Variants in THSD7B observed in about 807,000 individuals in gnomAD.
The protein encoded by THSD7B is thrombospondin type 1 domain containing 7B, also known as thrombospondin type-1 domain-containing protein 7B.
THSD7B carries 138 observed loss-of-function variants against 213.6 expected under a neutral mutation model. That is an observed-to-expected ratio of 0.65 (90% CI 0.56 to 0.74). The LOEUF is 0.74. Ranked by LOEUF, THSD7B falls within the 30% of genes least tolerant of loss-of-function variation. THSD7B has a pLI of 0.00. For synonymous variants in THSD7B, 742 were observed against 687.0 expected, an observed-to-expected ratio of 1.08 and a Z score of -1.25; for missense variants, 1,931 against 1,991.5, an observed-to-expected ratio of 0.97 and a Z score of 0.58.
intron 15 of THSD7B, among the ~76,000 whole-genome samples, chr2:137,492,330 A>C (rs1679429030): frequency 6.6e-6 from 1 of 152,120 alleles, no homozygotes; most frequent in Non-Finnish European, 1.5e-5. Flanking sequence ...ACTCATTATC[A>C]ATTATATACA....
intron 5 of THSD7B, among the ~76,000 whole-genome samples, chr2:137,121,977 G>A (rs1402729730): frequency 6.6e-6 from 1 of 152,080 alleles, no homozygotes; most frequent in African/African-American, 2.4e-5. Context: ...CAAAATAGAA[G>A]GTATAAGGAT....
At chr2:137,082,904 A>G (rs1687773203) in intron 3 of THSD7B, among the ~76,000 whole-genome samples, 1 of 152,106 alleles carries the variant, frequency 6.6e-6, no homozygotes, top group African/African-American at 2.4e-5. Flanking sequence ...TTTTGATATA[A>G]CATCACACTC....
At chr2:136,940,742 A>ATATT (rs1553459492) in intron 2 of THSD7B, among the ~76,000 whole-genome samples, 25 of 144,362 alleles carry the variant, frequency 1.7e-4, no homozygotes, top group African/African-American at 5.3e-4. Context: ...ATATATATAT[A>ATATT]TTTTTTCTTA....
intron 2 of THSD7B, among the ~76,000 whole-genome samples, chr2:136,978,005 G>A (rs556755746): frequency 6.6e-6 from 1 of 151,890 alleles, no homozygotes; most frequent in Non-Finnish European, 1.5e-5. Flanking sequence ...CACAATGTTG[G>A]CCAGGCTGGT....
At position 137,546,716 on chromosome 2, in the gene THSD7B, A is replaced by G. The variant is rs1680748543; in HGVS notation, c.3139-16505A>G. Among the ~76,000 whole-genome samples, 3 of 150,590 alleles carry G rather than the reference A, an allele frequency of 2.0e-5. No individual in the cohort carries two copies. The South Asian group carries it at 6.3e-4, about 31-fold the overall frequency. On this transcript the variant is annotated intron_variant, in intron 15 of 27. Coordinates refer to ENST00000409968, the MANE Select transcript of THSD7B (RefSeq NM_001316349.2). ...TACGCGTGTATTTATGTTTTAACCTATTATCAAGGCCAAGTTTGTGGAAAT... is the reference window on the plus strand; with the variant it reads ...TACGCGTGTATTTATGTTTTAACCTGTTATCAAGGCCAAGTTTGTGGAAAT...
intron 12 of THSD7B, among the ~76,000 whole-genome samples, chr2:137,354,832 T>G (rs1434760177): frequency 1.4e-5 from 2 of 147,516 alleles, no homozygotes; most frequent in African/African-American, 4.9e-5. Context: ...TGAGCAGCTG[T>G]TTTTTTTTTT....
intron 2 of THSD7B, among the ~76,000 whole-genome samples, chr2:137,012,514 G>A (rs1374614578): frequency 6.6e-6 from 1 of 152,200 alleles, no homozygotes; most frequent in Non-Finnish European, 1.5e-5. Flanking sequence ...TCGAAGGGAA[G>A]TTTAAAAGCT....
At chr2:137,127,445 T>G (rs1405791250) in intron 5 of THSD7B, among the ~76,000 whole-genome samples, 1 of 152,218 alleles carries the variant, frequency 6.6e-6, no homozygotes, top group Non-Finnish European at 1.5e-5. Flanking sequence ...TTGTCAAATG[T>G]ACATAAGTAT....
chr2:137,279,377 A>G (rs1263404817), intron 12 of THSD7B, among the ~76,000 whole-genome samples: 1 of 151,974 alleles, frequency 6.6e-6, no homozygotes, highest in Non-Finnish European at 1.5e-5. Flanking sequence ...CTCTACAAAA[A>G]TAGAAATTTT....
At chr2:137,437,910 G>C (rs1687326333) in intron 14 of THSD7B, among the ~76,000 whole-genome samples, 1 of 152,102 alleles carries the variant, frequency 6.6e-6, no homozygotes, top group African/African-American at 2.4e-5. Context: ...GCATGCCACA[G>C]AGGTTTTGGC....
In THSD7B at chr2:137,426,565, A is replaced by G. The variant is rs139301926; in HGVS notation, c.2959+14693A>G. 7.6e-4 allele frequency among the ~76,000 whole-genome samples: 116 copies of G among 152,282 alleles called. 1 individual carries two copies. Among genetic ancestry groups the G allele is most frequent in the Non-Finnish European group, 1.3e-3 (85 of 67,970 alleles). On this transcript the variant is annotated intron_variant, in intron 14 of 27. Transcript: ENST00000409968. The stretch of plus-strand genomic sequence containing the variant: ...TTGACAAAGTTACCAAGAATACACA[A>G]TGGGGAAAAGAGAGTCTCTTTGATA...
At chr2:137,371,563 T>C (rs940009762) in intron 12 of THSD7B, among the ~76,000 whole-genome samples, 3 of 152,184 alleles carry the variant, frequency 2.0e-5, no homozygotes, top group Non-Finnish European at 4.4e-5. Flanking sequence ...AAATATATTC[T>C]TGAAATTAGT....
At chr2:137,616,397 AGATT>A in intron 18 of THSD7B, 81 bp downstream of exon 18, 1 of 1,294,828 alleles carries the variant, frequency 7.7e-7, no homozygotes, top group Non-Finnish European at 1.1e-6. Flanking sequence ...TTCATTCTCA[AGATT>A]AAGAATGGAG....
intron 7 of THSD7B, among the ~76,000 whole-genome samples, chr2:137,185,152 A>G (rs1370278775): frequency 6.6e-6 from 1 of 152,182 alleles, no homozygotes; most frequent in Non-Finnish European, 1.5e-5. Context: ...TATTTCATAC[A>G]ATAAAAGCAA....
At chr2:137,172,959 TTAGA>T (rs1364215348) in intron 7 of THSD7B, among the ~76,000 whole-genome samples, 4 of 152,038 alleles carry the variant, frequency 2.6e-5, no homozygotes. Flanking sequence ...AGCTCTAGAG[TTAGA>T]TAGGTTGCAG....
At chr2:137,482,745 T>A (rs1162841183) in intron 15 of THSD7B, among the ~76,000 whole-genome samples, 3 of 152,128 alleles carry the variant, frequency 2.0e-5, no homozygotes, top group East Asian at 3.9e-4. Flanking sequence ...CTTTTCCTTT[T>A]TTAGTGTGTA....
chr2:137,530,991 A>C (rs1190936920), intron 15 of THSD7B, among the ~76,000 whole-genome samples: 1 of 151,988 alleles, frequency 6.6e-6, no homozygotes, highest in African/African-American at 2.4e-5. Context: ...AATCTTTGGG[A>C]TGCATTTTCT....
intron 5 of THSD7B, among the ~76,000 whole-genome samples, chr2:137,119,350 A>G (rs1688504423): frequency 6.6e-6 from 1 of 152,202 alleles, no homozygotes; most frequent in Non-Finnish European, 1.5e-5. Context: ...GTCCCCAGTA[A>G]TTTACAGGCT....
At chr2:137,333,094 G>A (rs1370100155) in intron 12 of THSD7B, among the ~76,000 whole-genome samples, 1 of 152,112 alleles carries the variant, frequency 6.6e-6, no homozygotes, top group Admixed American at 6.5e-5. Flanking sequence ...AGAAATTTTG[G>A]GAGGGTCTGT....
Sources: gnomAD v4.1 joint callset for allele counts (sites outside exome capture counted in the v4.1 genomes callset) on GRCh38, gnomAD v4.1.1 for gene constraint, MANE v1.5 for transcripts, NCBI Gene and HGNC (gene_info 2026-07-23, HGNC 2026-07-21) for gene names.